SFMBT1: variants seen among roughly 807,000 people sequenced by gnomAD.
The protein encoded by SFMBT1 is scm-like with four MBT domains protein 1.
Under a neutral mutation model 108.7 loss-of-function variants are expected in SFMBT1, and 32 were observed. The ratio of observed to expected loss-of-function variants is 0.29; its 90% CI spans 0.22 to 0.40. The LOEUF (loss-of-function observed/expected upper bound fraction) is 0.40, where lower values mean the gene tolerates loss of function less well. Among genes scored for constraint, SFMBT1 ranks in the 10% least tolerant of loss-of-function variants. The pLI, the probability that SFMBT1 is intolerant of heterozygous loss-of-function variation, is 1.00. For missense variants in SFMBT1, 816 were observed against 1,059.6 expected, an observed-to-expected ratio of 0.77 and a Z score of 3.19; for synonymous variants, 348 against 369.5, an observed-to-expected ratio of 0.94 and a Z score of 0.67.
chr3:52,939,140 T>C (rs1334484538), intron 4 of SFMBT1, among the ~76,000 whole-genome samples: 4 of 152,236 alleles, frequency 2.6e-5, no homozygotes, highest in South Asian at 4.1e-4. Flanking sequence ...TAAATAGCCG[T>C]GGTATTATTT....
intron 1 of SFMBT1, among the ~76,000 whole-genome samples, chr3:52,972,841 A>AACACAC (rs55688451): frequency 0.021 from 2,492 of 118,880 alleles, 96 homozygotes; most frequent in Admixed American, 0.057. Flanking sequence ...ATCTCTACTA[A>AACACAC]ACACACACAC....
At chr3:52,920,744 T>A in intron 11 of SFMBT1, 94 bp from the exon 12 acceptor site, 1 of 706,822 alleles carries the variant, frequency 1.4e-6, no homozygotes, top group Non-Finnish European at 2.4e-6. Context: ...TAGATAATGT[T>A]CTACTCTTAT....
intron 1 of SFMBT1, among the ~76,000 whole-genome samples, chr3:53,012,706 G>A (rs1025559859): frequency 6.6e-6 from 1 of 151,634 alleles, no homozygotes; most frequent in Non-Finnish European, 1.5e-5. Context: ...CCGGCCGAGT[G>A]CTCTTAATCC....
At chr3:52,910,934 TA>T in intron 17 of SFMBT1, 68 bp downstream of exon 17, 3 of 1,493,208 alleles carry the variant, frequency 2.0e-6, no homozygotes, top group Admixed American at 1.7e-5. Context: ...GTCTGTAAAG[TA>T]AAAAACTTTC....
intron 3 of SFMBT1, among the ~76,000 whole-genome samples, chr3:52,951,213 C>CTT (rs1553637585): frequency 3.7e-5 from 2 of 53,530 alleles, no homozygotes; most frequent in Non-Finnish European, 8.3e-5. Flanking sequence ...TTCTCTAACA[C>CTT]TCTTTTTTCC....
At chr3:52,917,234 A>G (rs9832050) in intron 13 of SFMBT1, among the ~76,000 whole-genome samples, 2 of 152,216 alleles carry the variant, frequency 1.3e-5, no homozygotes, top group Non-Finnish European at 2.9e-5. Flanking sequence ...TGCTATATAC[A>G]GAATTGTTTC....
At chr3:52,915,917 C>A (rs757183276) in intron 14 of SFMBT1, among the ~76,000 whole-genome samples, 1 of 152,132 alleles carries the variant, frequency 6.6e-6, no homozygotes, top group Non-Finnish European at 1.5e-5. Flanking sequence ...TGGCACACAA[C>A]GGTTGATCAG....
At chr3:52,964,524 A>C (rs1029326895) in intron 2 of SFMBT1, among the ~76,000 whole-genome samples, 5 of 152,230 alleles carry the variant, frequency 3.3e-5, no homozygotes, top group African/African-American at 1.2e-4. Context: ...TAAAAAATAG[A>C]AAATAATTTT....
At chr3:52,937,120 G>T (rs1009223094) in intron 4 of SFMBT1, among the ~76,000 whole-genome samples, 1 of 151,524 alleles carries the variant, frequency 6.6e-6, no homozygotes, top group African/African-American at 2.4e-5. Context: ...GGATTACAGG[G>T]GTGAGCCACC....
chr3:52,953,073 G>C (rs889377746), intron 3 of SFMBT1, among the ~76,000 whole-genome samples: 1 of 152,196 alleles, frequency 6.6e-6, no homozygotes, highest in Non-Finnish European at 1.5e-5. Context: ...ATGATATTTT[G>C]TTATGGCAGC....
At chr3:52,974,593 C>T (rs919760537) in intron 1 of SFMBT1, among the ~76,000 whole-genome samples, 2 of 152,038 alleles carry the variant, frequency 1.3e-5, no homozygotes, top group Non-Finnish European at 2.9e-5. Flanking sequence ...ATTCTTTTAA[C>T]CCACTGCTAC....
chr3:52,938,662 T>C (rs1241924698), intron 4 of SFMBT1, among the ~76,000 whole-genome samples: 1 of 151,894 alleles, frequency 6.6e-6, no homozygotes, highest in Non-Finnish European at 1.5e-5. Flanking sequence ...AGACAATTAG[T>C]GGGCTTATAC....
intron 1 of SFMBT1, among the ~76,000 whole-genome samples, chr3:53,039,504 T>G (rs1383728850): frequency 6.6e-6 from 1 of 152,112 alleles, no homozygotes; most frequent in Non-Finnish European, 1.5e-5. Flanking sequence ...AGAGTTCCAG[T>G]CTGGGAAGAT....
chr3:52,949,364 A>G (rs1352073436), intron 3 of SFMBT1, among the ~76,000 whole-genome samples: 1 of 151,944 alleles, frequency 6.6e-6, no homozygotes, highest in African/African-American at 2.4e-5. Context: ...TGTCCTTACT[A>G]ATTTTCTGCC....
chr3:53,021,344 A>C lies in SFMBT1; in HGVS notation c.-131+24472T>G, dbSNP rs1415678491. On this transcript the variant is annotated intron_variant, in intron 1 of 20. Transcript: ENST00000394752. ...TATGAAACTCAAATGCTTTATGCCT[A>C]CCCTCATTAGAAAATGTCTCTAGGA... Among the ~76,000 whole-genome samples, 5 of 152,330 alleles carry C rather than the reference A, an allele frequency of 3.3e-5. No individual in the cohort carries two copies. The East Asian group carries it at 9.6e-4, about 29-fold the overall frequency.
At chr3:52,962,805 T>C in intron 2 of SFMBT1, among the ~76,000 whole-genome samples, 2 of 7,556 alleles carry the variant, frequency 2.6e-4, no homozygotes, top group Admixed American at 3.0e-3. Flanking sequence ...AGGCTCCCTG[T>C]CTCAAAAAAA....
At chr3:52,991,008 G>C (rs1341245927) in intron 1 of SFMBT1, among the ~76,000 whole-genome samples, 4 of 152,110 alleles carry the variant, frequency 2.6e-5, no homozygotes, top group African/African-American at 9.7e-5. Flanking sequence ...CCACATTACT[G>C]TCTCATTTGC....
intron 3 of SFMBT1, among the ~76,000 whole-genome samples, chr3:52,948,576 C>CA (rs1173798116): frequency 1.3e-5 from 2 of 151,640 alleles, no homozygotes; most frequent in African/African-American, 2.4e-5. Flanking sequence ...TGTATCCCTT[C>CA]ATGTATAATG....
At chr3:52,905,993 C>T (rs373088164) in intron 20 of SFMBT1, 120 bp downstream of exon 20, 2 of 1,163,782 alleles carry the variant, frequency 1.7e-6, no homozygotes, top group South Asian at 1.5e-5. Flanking sequence ...GGAATTAAGA[C>T]AATTCTTGTC....
Sources: allele counts gnomAD v4.1 joint callset (sites outside exome capture counted in the v4.1 genomes callset), GRCh38; gene constraint gnomAD v4.1.1; transcripts MANE v1.5; gene names NCBI Gene and HGNC (gene_info 2026-07-23, HGNC 2026-07-21).